Variants in MCTP1 observed in about 807,000 individuals in gnomAD.
MCTP1 encodes multiple C2 and transmembrane domain-containing protein 1.
MCTP1 carries 69 observed loss-of-function variants against 120.6 expected under a neutral mutation model. The ratio of observed to expected loss-of-function variants is 0.57; its 90% confidence interval spans 0.47 to 0.70. The LOEUF is 0.70. MCTP1 is among the 30% of genes least tolerant of loss of function. MCTP1 has a pLI of 0.00. For synonymous variants in MCTP1, 529 were observed against 493.1 expected (o/e 1.07, Z -0.96); for missense variants, 1,203 against 1,248.8 (o/e 0.96, Z 0.55).
rs937330396 is a variant in MCTP1 at position 94,714,862 on chromosome 5, T to G, written c.2635A>C (p.Asn879His). 2.5e-6 allele frequency: 4 copies of G among 1,610,850 alleles called. No individual in the cohort carries two copies. Among genetic ancestry groups the G allele is most frequent in the Non-Finnish European group, 2.5e-6 (3 of 1,177,188 alleles). ...DKDSEKKGFINKIYAIQEVCV... is the reference protein window; with the variant it reads ...DKDSEKKGFIHKIYAIQEVCV... ...ACCTCCTGGATGGCATAGATTTTAT[T>G]TATAAATCCCTTTTTTTCACTGTCC... The change falls in exon 20 of 23, where the codon AAT (asparagine) becomes CAT (histidine). Residue 879 changes from asparagine (N) to histidine (H), a missense_variant. Coordinates refer to ENST00000515393, the MANE Select transcript of MCTP1 (RefSeq NM_024717.7).
chr5:95,095,793 A>G (rs1486033500), intron 1 of MCTP1, among the ~76,000 whole-genome samples: 1 of 152,194 alleles, frequency 6.6e-6, no homozygotes, highest in Non-Finnish European at 1.5e-5. Flanking sequence ...ACTGAAGTAC[A>G]TGACTCAATT....
At chr5:95,104,800 T>C (rs1211480023) in intron 1 of MCTP1, among the ~76,000 whole-genome samples, 1 of 152,194 alleles carries the variant, frequency 6.6e-6, no homozygotes, top group Non-Finnish European at 1.5e-5. Flanking sequence ...TCTGACTCCA[T>C]TGGGAACTAC....
intron 1 of MCTP1, among the ~76,000 whole-genome samples, chr5:95,130,327 G>A (rs1440934888): frequency 6.6e-6 from 1 of 152,152 alleles, no homozygotes; most frequent in Non-Finnish European, 1.5e-5. Flanking sequence ...GGTGGGATGG[G>A]TTTCTGACAG....
intron 2 of MCTP1, among the ~76,000 whole-genome samples, chr5:95,013,848 C>T (rs938804673): frequency 1.1e-4 from 16 of 152,066 alleles, no homozygotes; most frequent in African/African-American, 3.9e-4. Context: ...ACTTTCAAGG[C>T]TTATAATTTA....
At position 95,147,722 on chromosome 5, in the gene MCTP1, A is replaced by T. The variant is rs545178581; in HGVS notation, c.721-130238T>A. Among the ~76,000 whole-genome samples, 6 of 152,236 alleles carry T rather than the reference A, an allele frequency of 3.9e-5. No individual in the cohort carries two copies. The South Asian group carries it at 1.2e-3, about 32-fold the overall frequency. On this transcript the variant is annotated intron_variant, in intron 1 of 22. Transcript: ENST00000515393. ...TATTCATGGTTAGTATTGACATGTA[A>T]GATTTTGATACTCTCATTGTGTTGT... is the stretch of plus-strand genomic sequence containing the variant.
chr5:94,925,448 G>A (rs1351887733), intron 6 of MCTP1, among the ~76,000 whole-genome samples: 4 of 151,522 alleles, frequency 2.6e-5, no homozygotes, highest in African/African-American at 4.9e-5. Flanking sequence ...TTGCTCTGTC[G>A]CCCAGGCTGG....
At chr5:94,711,433 C>T (rs1256659756) in intron 20 of MCTP1, among the ~76,000 whole-genome samples, 1 of 152,082 alleles carries the variant, frequency 6.6e-6, no homozygotes, top group East Asian at 1.9e-4. Context: ...CCTTAAACTA[C>T]TCACTTGTCC....
chr5:95,091,908 A>G (rs1755874436), intron 1 of MCTP1, among the ~76,000 whole-genome samples: 1 of 152,234 alleles, frequency 6.6e-6, no homozygotes, highest in Non-Finnish European at 1.5e-5. Flanking sequence ...ACAGGCAGTA[A>G]GTGGAGGCTG....
chr5:94,863,009 T>G (rs2153234229), intron 17 of MCTP1, among the ~76,000 whole-genome samples: 1 of 151,966 alleles, frequency 6.6e-6, no homozygotes, highest in Non-Finnish European at 1.5e-5. Flanking sequence ...ATAGGTTTTC[T>G]TCTTCCCTTA....
At chr5:94,996,728 T>C (rs1212396398) in intron 2 of MCTP1, among the ~76,000 whole-genome samples, 1 of 152,176 alleles carries the variant, frequency 6.6e-6, no homozygotes, top group Non-Finnish European at 1.5e-5. Flanking sequence ...GTTGAATCCA[T>C]GGACATGGGA....
At chr5:94,800,136 G>T (rs936944153) in intron 17 of MCTP1, among the ~76,000 whole-genome samples, 1 of 152,140 alleles carries the variant, frequency 6.6e-6, no homozygotes. Flanking sequence ...CCACCTCAGG[G>T]TTGTGAGAAT....
chr5:94,820,312 G>C (rs1337658102), intron 17 of MCTP1, among the ~76,000 whole-genome samples: 1 of 152,190 alleles, frequency 6.6e-6, no homozygotes, highest in East Asian at 1.9e-4. Context: ...TAACCACTCT[G>C]AACAGGATCT....
intron 1 of MCTP1, among the ~76,000 whole-genome samples, chr5:95,229,121 C>T (rs923025012): frequency 6.6e-6 from 1 of 152,134 alleles, no homozygotes; most frequent in Admixed American, 6.5e-5. Flanking sequence ...CAATAGCTGA[C>T]CGAAGCCAGA....
At chr5:94,901,971 C>A (rs924163899) in intron 10 of MCTP1, among the ~76,000 whole-genome samples, 2 of 152,136 alleles carry the variant, frequency 1.3e-5, no homozygotes, top group Non-Finnish European at 2.9e-5. Context: ...ATCACATAGG[C>A]CTCAAGTATT....
chr5:94,735,879 T>C (rs1764113377), intron 19 of MCTP1, among the ~76,000 whole-genome samples: 3 of 152,138 alleles, frequency 2.0e-5, no homozygotes, highest in Admixed American at 1.3e-4. Context: ...TTTGGATGGG[T>C]TATCAAGCAG....
intron 2 of MCTP1, among the ~76,000 whole-genome samples, chr5:95,014,146 C>T (rs1435399938): frequency 6.6e-6 from 1 of 152,026 alleles, no homozygotes. Flanking sequence ...AACTTGTAGT[C>T]CTAGCTACTC....
At chr5:95,036,163 T>C (rs1053666554) in intron 1 of MCTP1, among the ~76,000 whole-genome samples, 1 of 152,188 alleles carries the variant, frequency 6.6e-6, no homozygotes, top group Admixed American at 6.5e-5. Flanking sequence ...ATAGGCATAC[T>C]GCACTAACTT....
At chr5:95,177,183 A>G (rs1748094907) in intron 1 of MCTP1, among the ~76,000 whole-genome samples, 1 of 151,908 alleles carries the variant, frequency 6.6e-6, no homozygotes, top group Admixed American at 6.6e-5. Flanking sequence ...ATTTACATGT[A>G]CCCACATACA....
At chr5:94,959,491 C>G (rs1380138265) in intron 2 of MCTP1, among the ~76,000 whole-genome samples, 1 of 152,176 alleles carries the variant, frequency 6.6e-6, no homozygotes, top group African/African-American at 2.4e-5. Context: ...TCTCTGTTTG[C>G]AGATGAGATG....
Sources: gnomAD v4.1 joint callset for allele counts (sites outside exome capture counted in the v4.1 genomes callset) on GRCh38, gnomAD v4.1.1 for gene constraint, MANE v1.5 for transcripts, NCBI Gene and HGNC (gene_info 2026-07-23, HGNC 2026-07-21) for gene names.